The following SP100 variants were observed in gnomAD, a reference collection of about 807,000 sequenced individuals.
SP100 encodes nuclear autoantigen Sp-100.
SP100 carries 84 observed loss-of-function variants against 130.0 expected under a neutral mutation model. The observed-to-expected ratio is 0.65, with a 90% confidence interval of 0.54 to 0.77. The LOEUF (loss-of-function observed/expected upper bound fraction) is 0.77, where lower values mean the gene tolerates loss of function less well. SP100 is among the 30% of genes least tolerant of loss of function. The pLI is 0.00. For missense variants in SP100, 978 were observed against 1,052.2 expected (o/e 0.93, Z 0.97); for synonymous variants, 331 against 351.7 (o/e 0.94, Z 0.66).
At chr2:230,429,479 T>G (rs991461171) in intron 2 of SP100, among the ~76,000 whole-genome samples, 5 of 152,220 alleles carry the variant, frequency 3.3e-5, no homozygotes, top group Non-Finnish European at 7.3e-5. Flanking sequence ...CCAGTGAATC[T>G]AGATGTTCAT....
intron 8 of SP100, among the ~76,000 whole-genome samples, chr2:230,453,692 G>T (rs2149937685): frequency 6.6e-6 from 1 of 152,176 alleles, no homozygotes; most frequent in Middle Eastern, 3.4e-3. Context: ...ATGTGCTACT[G>T]AATTTGATAG....
chr2:230,436,905 C>CACACACGCATATATGTGTATACACAT (rs1559486467), intron 2 of SP100, among the ~76,000 whole-genome samples: 1 of 67,058 alleles, frequency 1.5e-5, no homozygotes, highest in Non-Finnish European at 3.3e-5. Flanking sequence ...TATACACACA[C>CACACACGCATATATGTGTATACACAT]GCATATATGT....
chr2:230,485,578 T>C (rs1425158050), intron 17 of SP100, among the ~76,000 whole-genome samples: 4 of 152,200 alleles, frequency 2.6e-5, no homozygotes, highest in Admixed American at 2.6e-4. Context: ...CATTTCTTAT[T>C]GCATCTCCTA....
intron 12 of SP100, among the ~76,000 whole-genome samples, chr2:230,466,730 A>T (rs1421118153): frequency 6.6e-6 from 1 of 152,218 alleles, no homozygotes. Flanking sequence ...CCCATCCTAG[A>T]CTTTCATGGT....
At chr2:230,473,808 CAT>C (rs1168655454) in intron 16 of SP100, among the ~76,000 whole-genome samples, 1 of 151,098 alleles carries the variant, frequency 6.6e-6, no homozygotes. Context: ...CACTGGTAAA[CAT>C]AGTAGTATCT....
intron 8 of SP100, among the ~76,000 whole-genome samples, chr2:230,458,935 A>G (rs921473297): frequency 6.6e-6 from 1 of 152,208 alleles, no homozygotes; most frequent in Non-Finnish European, 1.5e-5. Context: ...GAGATGCAAC[A>G]TTACATATGG....
At chr2:230,525,180 A>AAAAGAT (rs1400149639) in intron 24 of SP100, among the ~76,000 whole-genome samples, 1 of 152,190 alleles carries the variant, frequency 6.6e-6, no homozygotes, top group Non-Finnish European at 1.5e-5. Context: ...AAGAAAAAGA[A>AAAAGAT]AATTTAGGAC....
rs376696293 is a variant in SP100, at chr2:230,511,115, T to C, written c.2053-10T>C. 2.6e-5 allele frequency: 41 copies of C among 1,593,548 alleles called. No individual in the cohort carries two copies. In the African/African-American group the frequency reaches 5.4e-4, roughly 21 times the overall value. Reference sequence around the variant, plus strand: ...CAATATTGTACCAATCTTTCTGTTTTTTTCAACAGAGAATACTGGAATCTC... The same window carrying C: ...CAATATTGTACCAATCTTTCTGTTTCTTTCAACAGAGAATACTGGAATCTC... On this transcript the variant is annotated splice_polypyrimidine_tract_variant and intron_variant, in intron 23 of 28. Coordinates refer to ENST00000340126, the MANE Select transcript of SP100 (RefSeq NM_001080391.2).
At chr2:230,511,754 A>G (rs1690605290) in intron 24 of SP100, among the ~76,000 whole-genome samples, 1 of 152,216 alleles carries the variant, frequency 6.6e-6, no homozygotes, top group South Asian at 2.1e-4. Flanking sequence ...GACAAAAACC[A>G]TCACCACTTG....
At chr2:230,448,974 A>G in intron 5 of SP100, 114 bp from the exon 6 acceptor site, 1 of 736,956 alleles carries the variant, frequency 1.4e-6, no homozygotes, top group East Asian at 2.5e-5. Flanking sequence ...CTTTGCATTG[A>G]GACCTAGAAG....
At chr2:230,531,210 A>C (rs1691682875) in intron 24 of SP100, among the ~76,000 whole-genome samples, 1 of 152,250 alleles carries the variant, frequency 6.6e-6, no homozygotes, top group Non-Finnish European at 1.5e-5. Flanking sequence ...AAAATGTGGC[A>C]CATATACACC....
intron 17 of SP100, among the ~76,000 whole-genome samples, chr2:230,489,013 T>C (rs1218157118): frequency 6.6e-6 from 1 of 152,182 alleles, no homozygotes; most frequent in East Asian, 1.9e-4. Flanking sequence ...TAGGTTTTGG[T>C]ATCAGGATGA....
chr2:230,538,743 C>T (rs1221379859), intron 24 of SP100: 2 of 153,554 alleles, frequency 1.3e-5, no homozygotes, highest in African/African-American at 2.4e-5. Context: ...GTTTTTCCAT[C>T]CCAGAGGTAC....
chr2:230,449,346 C>G (rs1482134730), intron 6 of SP100, 196 bp downstream of exon 6: 1 of 774,504 alleles, frequency 1.3e-6, no homozygotes, highest in Non-Finnish European at 2.3e-6. Context: ...TCCCACACCC[C>G]TTAATCACAC....
rs202126936 is a variant in SP100 at position 230,462,488 on chromosome 2, G to A, written c.1027G>A (p.Val343Ile). The A allele has an allele frequency of 2.5e-6, 4 of 1,613,896 alleles. No homozygotes were observed. Among genetic ancestry groups the A allele is most frequent in the Non-Finnish European group, 2.5e-6 (3 of 1,179,844 alleles). The change falls in exon 10 of 29, where the codon GTC becomes ATC. Residue 343 changes from valine to isoleucine, a missense_variant. Transcript: ENST00000340126. ...GSTDVDEPLE[V>I]FISAPRSEPV... ...CACTGACGTTGATGAGCCCTTAGAA[G>A]TCTTCATCTCAGCACCGAGAAGTGA...
At chr2:230,474,114 T>G (rs1195107737) in intron 16 of SP100, among the ~76,000 whole-genome samples, 1 of 152,220 alleles carries the variant, frequency 6.6e-6, no homozygotes, top group East Asian at 1.9e-4. Context: ...TTAATATTCA[T>G]AAAAATTTTA....
At chr2:230,540,344 G>A (rs1179785512) in intron 25 of SP100, among the ~76,000 whole-genome samples, 1 of 152,172 alleles carries the variant, frequency 6.6e-6, no homozygotes, top group African/African-American at 2.4e-5. Context: ...ACAAATGAAA[G>A]ATATCTGACA....
In SP100 at chr2:230,444,211, G is replaced by A. The variant is rs755671957; in HGVS notation, c.304G>A (p.Val102Ile). The A allele has an allele frequency of 3.1e-6, 5 of 1,608,962 alleles. No homozygotes were observed. The African/African-American group carries it at 5.4e-5, about 17-fold the overall frequency. Reference protein sequence around the residue: ...SQDSCRNLVPVQRVVYNVLSE... With the variant: ...SQDSCRNLVPIQRVVYNVLSE... ...AGATTCTTGTAGAAACCTGGTCCCTGTACAGAGAGTGGTGTACAATGTTCT... is the reference window on the plus strand; with the variant it reads ...AGATTCTTGTAGAAACCTGGTCCCTATACAGAGAGTGGTGTACAATGTTCT... Residue 102 changes from valine to isoleucine, a missense_variant, in exon 4 of 29, where the codon GTA (valine) becomes ATA (isoleucine). Physicochemically the swap from Val to Ile is conservative, Grantham distance 29. Coordinates refer to ENST00000340126, the MANE Select transcript of SP100 (RefSeq NM_001080391.2).
At chr2:230,532,536 T>TA (rs58480173) in intron 24 of SP100, among the ~76,000 whole-genome samples, 69,080 of 147,844 alleles carry the variant, frequency 0.47, 15,936 homozygotes, top group South Asian at 0.55. Flanking sequence ...TAAGTAGTAA[T>TA]AAAAAAAAAA....
Sources: gnomAD v4.1 joint callset for allele counts (sites outside exome capture counted in the v4.1 genomes callset) on GRCh38, gnomAD v4.1.1 for gene constraint, MANE v1.5 for transcripts, NCBI Gene and HGNC (gene_info 2026-07-23, HGNC 2026-07-21) for gene names.